Variants in AZI2 observed in about 807,000 individuals in gnomAD.
The protein encoded by AZI2 is 5-azacytidine induced 2.
In AZI2, 22 loss-of-function variants were observed where a neutral mutation model predicts 45.8. That is an observed-to-expected ratio of 0.48 (90% confidence interval 0.34 to 0.69). AZI2 has a LOEUF of 0.69. AZI2 is among the 30% of genes least tolerant of loss of function. AZI2 has a pLI of 0.01. For missense variants in AZI2, 417 were observed against 441.5 expected, an observed-to-expected ratio of 0.94 and a Z score of 0.50; for synonymous variants, 137 against 156.7, an observed-to-expected ratio of 0.87 and a Z score of 0.94.
chr3:28,335,793 T>C (rs1703767406), intron 5 of AZI2, among the ~76,000 whole-genome samples: 1 of 152,018 alleles, frequency 6.6e-6, no homozygotes, highest in South Asian at 2.1e-4. Context: ...TTTCAGATGG[T>C]GGCATCCCAG....
chr3:28,340,301 A>T, intron 2 of AZI2, 101 bp downstream of exon 2: 2 of 795,586 alleles, frequency 2.5e-6, no homozygotes, highest in Non-Finnish European at 4.0e-6. Flanking sequence ...TTGGAAATTT[A>T]GTACAATCAT....
At chr3:28,329,478 C>T (rs1703498687) in intron 6 of AZI2, among the ~76,000 whole-genome samples, 1 of 151,092 alleles carries the variant, frequency 6.6e-6, no homozygotes, top group Admixed American at 6.6e-5. Context: ...TAAGTGAAAC[C>T]TGCATGTCCA....
At chr3:28,347,541 C>T (rs1029650866) in intron 1 of AZI2, among the ~76,000 whole-genome samples, 4 of 152,154 alleles carry the variant, frequency 2.6e-5, no homozygotes, top group Admixed American at 2.0e-4. Flanking sequence ...GTATTACACC[C>T]ATTTCAGAGA....
chr3:28,337,323 C>T (rs2125655633), intron 4 of AZI2, among the ~76,000 whole-genome samples: 1 of 151,968 alleles, frequency 6.6e-6, no homozygotes, highest in Middle Eastern at 3.4e-3. Context: ...AAACTGGATA[C>T]TGCTTTATTC....
At chr3:28,331,794 T>TAAA (rs1290451708) in intron 6 of AZI2, 1 of 1,526,136 alleles carries the variant, frequency 6.6e-7, no homozygotes, top group Non-Finnish European at 8.8e-7. Flanking sequence ...GAATTGAAGT[T>TAAA]ACTTAAGTAA....
intron 1 of AZI2, among the ~76,000 whole-genome samples, chr3:28,343,437 T>G (rs1704105934): frequency 6.6e-6 from 1 of 151,966 alleles, no homozygotes; most frequent in Non-Finnish European, 1.5e-5. Flanking sequence ...GAGATGGTCC[T>G]TCCTGGTAGA....
intron 1 of AZI2, among the ~76,000 whole-genome samples, chr3:28,347,910 C>T (rs1234743317): frequency 6.6e-6 from 1 of 152,174 alleles, no homozygotes; most frequent in African/African-American, 2.4e-5. Context: ...ACATAAGGCG[C>T]AAGGGTCAAT....
Position 28,336,777 on chromosome 3 carries a change from C to A in AZI2, c.548G>T (p.Cys183Phe). 3 of 1,613,340 alleles carry A rather than the reference C, an allele frequency of 1.9e-6. No homozygotes were observed. Among genetic ancestry groups the A allele is most frequent in the Non-Finnish European group, 2.5e-6 (3 of 1,179,612 alleles). The change falls in exon 5 of 8, where the codon TGT becomes TTT. Residue 183 changes from cysteine to phenylalanine, a missense_variant. By Grantham distance (205) the Cys-to-Phe change is radical. Transcript: ENST00000479665. Reference protein sequence around the residue: ...EQELELMRKECSDLKIELQKA... With the variant: ...EQELELMRKEFSDLKIELQKA... ...CTGTAGTTCTATTTTGAGATCGCTA[C>A]ATTCTTTCCTCATCAGTTCCAGCTC...
At chr3:28,329,317 C>T (rs1208025059) in intron 6 of AZI2, among the ~76,000 whole-genome samples, 1 of 151,234 alleles carries the variant, frequency 6.6e-6, no homozygotes, top group East Asian at 1.9e-4. Context: ...AGCTGTCTTT[C>T]ACTTAACCCG....
chr3:28,322,990 CTTT>C lies in AZI2; in HGVS notation c.*1049_*1051del, dbSNP rs539047510. On this transcript the variant is annotated 3_prime_UTR_variant, in exon 8 of 8. Transcript: ENST00000479665. Reference sequence around the variant, plus strand: ...CATGTGAAGCCATCTTTATTTCCTTCTTTATTTCCAAATAATTGGCCACTTAGA... The same window carrying C: ...CATGTGAAGCCATCTTTATTTCCTTCATTTCCAAATAATTGGCCACTTAGA... The C allele has an allele frequency of 1.1e-4, 16 of 150,006 alleles. No homozygotes were observed. Among genetic ancestry groups the C allele is most frequent in the East Asian group, 9.8e-4 (5 of 5,120 alleles). The allele number at this position is 150,006 out of a possible 1,614,324, so 9.3% of individuals were successfully genotyped here.
Position 28,337,938 on chromosome 3 carries a change from C to A in AZI2, c.438G>T (p.Gln146His). 2 of 1,544,276 alleles carry A rather than the reference C, an allele frequency of 1.3e-6. No homozygotes were observed. The highest frequency in any genetic ancestry group is 8.8e-7 in the Non-Finnish European group (1 of 1,136,900). The change falls in exon 4 of 8, where the codon CAG (glutamine) becomes CAT (histidine). Residue 146 changes from glutamine to histidine, a missense_variant and splice_region_variant. By Grantham distance (24) the Gln-to-His change is conservative. Transcript: ENST00000479665. ...LQLRTEVETQQVMRNLNPPSS... is the reference protein window; with the variant it reads ...LQLRTEVETQHVMRNLNPPSS... ...ATTTATAACAAGTAACTGGCATACC[C>A]TGCTGAGTTTCCACCTCTGTCCTCA...
chr3:28,337,990 T>C lies in AZI2; in HGVS notation c.386A>G (p.Gln129Arg). ...CTGGAGGAGTTCTACTTCTTTAGAT[T>C]GTAGCTGCTCATTCAATACTTTCAA... is the stretch of plus-strand genomic sequence containing the variant. ...ESLKVLNEQL[Q>R]SKEVELLQLR... Residue 129 changes from glutamine (Q) to arginine (R), a missense_variant, in exon 4 of 8, where the codon CAA (glutamine) becomes CGA (arginine). By Grantham distance (43) the Gln-to-Arg change is conservative (BLOSUM62 1). Transcript: ENST00000479665. The C allele has an allele frequency of 1.9e-6, 3 of 1,601,462 alleles. No homozygotes were observed. The highest frequency in any genetic ancestry group is 2.6e-6 in the Non-Finnish European group (3 of 1,173,322).
At chr3:28,344,453 T>C (rs1405407368) in intron 1 of AZI2, among the ~76,000 whole-genome samples, 1 of 152,082 alleles carries the variant, frequency 6.6e-6, no homozygotes, top group East Asian at 1.9e-4. Flanking sequence ...AAGTAGGCTA[T>C]GTGTTGCCTT....
chr3:28,335,773 G>A (rs1174490976), intron 5 of AZI2, among the ~76,000 whole-genome samples: 5 of 151,968 alleles, frequency 3.3e-5, no homozygotes, highest in African/African-American at 1.2e-4. Flanking sequence ...AGTATGGGAT[G>A]GAGTTCCCCT....
At chr3:28,343,228 A>G (rs1329604501) in intron 1 of AZI2, among the ~76,000 whole-genome samples, 1 of 152,044 alleles carries the variant, frequency 6.6e-6, no homozygotes, top group Non-Finnish European at 1.5e-5. Flanking sequence ...AGATACCACA[A>G]AAGAGCAAAT....
At chr3:28,338,382 C>G in intron 3 of AZI2, 111 bp downstream of exon 3, 1 of 1,231,500 alleles carries the variant, frequency 8.1e-7, no homozygotes, top group South Asian at 2.2e-5. Flanking sequence ...AACATGTATA[C>G]AAAATTTTAA....
rs1239825577 is a variant in AZI2 at position 28,332,446 on chromosome 3, A to G, written c.589-19T>C. ...ATGGATCCTGTCATTTGTTTAAAAA[A>G]AAGAAGTTTAAAAGTTGTAATTTTT... On this transcript the variant is annotated intron_variant, in intron 5 of 7. Coordinates refer to ENST00000479665, the MANE Select transcript of AZI2 (RefSeq NM_022461.5). 1 of 1,596,810 alleles carries G rather than the reference A, an allele frequency of 6.3e-7. No individual in the cohort carries two copies. The highest frequency in any genetic ancestry group is 8.6e-7 in the Non-Finnish European group (1 of 1,167,564).
intron 6 of AZI2, among the ~76,000 whole-genome samples, chr3:28,329,996 C>T (rs1352429701): frequency 1.3e-5 from 2 of 151,192 alleles, no homozygotes; most frequent in Non-Finnish European, 3.0e-5. Context: ...GCCTGATAAA[C>T]ACTAACCTAA....
intron 6 of AZI2, among the ~76,000 whole-genome samples, chr3:28,329,661 T>G (rs1269571109): frequency 6.6e-6 from 1 of 151,268 alleles, no homozygotes; most frequent in Non-Finnish European, 1.5e-5. Context: ...TCTTTAGCAT[T>G]TGAAAATTTA....
Sources: gnomAD v4.1 joint callset for allele counts (sites outside exome capture counted in the v4.1 genomes callset) on GRCh38, gnomAD v4.1.1 for gene constraint, MANE v1.5 for transcripts, NCBI Gene and HGNC (gene_info 2026-07-23, HGNC 2026-07-21) for gene names.